The following MEX3B variants were observed in gnomAD, a reference collection of about 807,000 sequenced individuals.
The protein encoded by MEX3B is RNA-binding protein MEX3B.
In MEX3B, 10 loss-of-function variants were observed where a neutral mutation model predicts 12.2. That is an observed-to-expected ratio of 0.82 (90% CI 0.51 to 1.40). MEX3B has a LOEUF of 1.40. MEX3B is among the 40% of genes most tolerant of loss of function. The probability of loss-of-function intolerance (pLI) is 0.00; values close to 1 mark genes in which losing one functional copy is unlikely to be tolerated. For missense variants in MEX3B, 839 were observed against 801.4 expected, an observed-to-expected ratio of 1.05 and a Z score of -0.57; for synonymous variants, 498 against 356.3, an observed-to-expected ratio of 1.40 and a Z score of -4.48.
Position 82,043,826 on chromosome 15 carries a change from G to A in MEX3B, c.1044C>T (p.Ala348=), listed in dbSNP as rs759459482. The A allele has an allele frequency of 2.5e-6, 4 of 1,591,644 alleles. No homozygotes were observed. The Admixed American group carries it at 5.3e-5, about 21-fold the overall frequency. ...NGYTYTAGGE[A]SVPSPDGCPE... ...GGCAGCCGTCGGGGGATGGCACTGA[G>A]GCTTCTCCCCCCGCTGTGTAGGTGT... The change falls in exon 2 of 2, where the codon GCC becomes GCT. Residue 348 remains alanine, a synonymous_variant. Transcript: ENST00000329713.
In MEX3B at chr15:82,044,001, C is replaced by G; in HGVS notation, c.869G>C (p.Ser290Thr). 6.2e-7 allele frequency: 1 copy of G among 1,608,462 alleles called. No homozygotes were observed. Among genetic ancestry groups the G allele is most frequent in the East Asian group, 2.2e-5 (1 of 44,790 alleles). ...PFSSYRNDSSSSLGSASTDSY... is the reference protein window; with the variant it reads ...PFSSYRNDSSTSLGSASTDSY... ...GTCTGTGGAAGCACTGCCAAGCGAGCTGGAGCTGTCGTTGCGGTAGCTAGA... is the reference window on the plus strand; with the variant it reads ...GTCTGTGGAAGCACTGCCAAGCGAGGTGGAGCTGTCGTTGCGGTAGCTAGA... Residue 290 changes from serine (S) to threonine (T), a missense_variant, in exon 2 of 2, where the codon AGC becomes ACC. Ser to Thr is a moderately conservative substitution (Grantham distance 58). This residue lies in a region of MEX3B where 573 missense variants were observed against 488.9 expected (regional missense o/e 1.17). Transcript: ENST00000329713. This position sits in a 1 kb window ranked among gnomAD's most constrained non-coding sequence, Gnocchi z 5.3.
chr15:82,044,116 G>A lies in MEX3B; in HGVS notation c.754C>T (p.Leu252=), dbSNP rs765620150. 2.2e-5 allele frequency: 36 copies of A among 1,613,240 alleles called. No individual in the cohort carries two copies. The highest frequency in any genetic ancestry group is 2.8e-5 in the Non-Finnish European group (33 of 1,180,026). Residue 252 remains leucine, a synonymous_variant, in exon 2 of 2, where the codon CTG becomes TTG. Transcript: ENST00000329713. This position sits in a 1 kb window ranked among gnomAD's most constrained non-coding sequence, Gnocchi z 5.3. ...HANGTDVGFD[L]HHGSGGSGPG... is the part of the protein sequence containing the mutation. The stretch of plus-strand genomic sequence containing the variant: ...CCGGACCCGCCGGACCCATGATGCA[G>A]ATCGAAGCCCACATCGGTGCCGTTG...
Position 82,045,535 on chromosome 15 carries a change from G to C in MEX3B, c.171C>G (p.Ser57Arg), listed in dbSNP as rs1183694382. 6.2e-7 allele frequency: 1 copy of C among 1,612,220 alleles called. No homozygotes were observed. Among genetic ancestry groups the C allele is most frequent in the East Asian group, 2.2e-5 (1 of 44,850 alleles). Residue 57 changes from serine to arginine, a missense_variant, in exon 1 of 2, where the codon AGC becomes AGG. By Grantham distance (110) the Ser-to-Arg change is moderately radical. Transcript: ENST00000329713. ...DSDEGASLYDSEPRKKSVNMT... is the reference protein window; with the variant it reads ...DSDEGASLYDREPRKKSVNMT... ...TGTTCACGCTCTTCTTGCGCGGCTCGCTGTCGTACAGAGAGGCGCCCTCGT... is the reference window on the plus strand; with the variant it reads ...TGTTCACGCTCTTCTTGCGCGGCTCCCTGTCGTACAGAGAGGCGCCCTCGT...
At position 82,044,683 on chromosome 15, in the gene MEX3B, C is replaced by T; in HGVS notation, c.257-70G>A. The T allele has an allele frequency of 1.4e-6, 2 of 1,470,654 alleles. No homozygotes were observed. Among genetic ancestry groups the T allele is most frequent in the Non-Finnish European group, 9.5e-7 (1 of 1,057,018 alleles). 91.1% of individuals were successfully genotyped at this position (1,470,654 alleles called of 1,614,324 possible). On this transcript the variant is annotated intron_variant, in intron 1 of 1. Coordinates refer to ENST00000329713, the MANE Select transcript of MEX3B (RefSeq NM_032246.6). The surrounding 1 kb of genome is among the most constrained non-coding windows in gnomAD (Gnocchi z 5.3). Reference sequence around the variant, plus strand: ...CACGCCCATTATCCTGGGGTAACCGCGGGGACCGGGGACAGCCCGCGTCCA... The same window carrying T: ...CACGCCCATTATCCTGGGGTAACCGTGGGGACCGGGGACAGCCCGCGTCCA...
chr15:82,044,661 G>A lies in MEX3B; in HGVS notation c.257-48C>T. 1 of 1,589,382 alleles carries A rather than the reference G, an allele frequency of 6.3e-7. No homozygotes were observed. Among genetic ancestry groups the A allele is most frequent in the Non-Finnish European group, 8.6e-7 (1 of 1,159,132 alleles). On this transcript the variant is annotated intron_variant, in intron 1 of 1. Coordinates refer to ENST00000329713, the MANE Select transcript of MEX3B (RefSeq NM_032246.6). The surrounding 1 kb of genome is among the most constrained non-coding windows in gnomAD (Gnocchi z 5.3). The stretch of plus-strand genomic sequence containing the variant: ...GGGAGTGGGAGAGAGAGACAGACAC[G>A]CCCATTATCCTGGGGTAACCGCGGG...
rs2073227275 is a variant in MEX3B, at chr15:82,042,691, AC to A, written c.*468del. The A allele has an allele frequency of 6.5e-6, 1 of 152,926 alleles. No homozygotes were observed. Among genetic ancestry groups the A allele is most frequent in the Non-Finnish European group, 1.5e-5 (1 of 68,260 alleles). The allele number at this position is 152,926 out of a possible 1,614,324, so 9.5% of individuals were successfully genotyped here. On this transcript the variant is annotated 3_prime_UTR_variant, in exon 2 of 2. Transcript: ENST00000329713. ...GTGTTCTATAATAAGTATCATAGGA[AC>A]CCACCCACAAAGGGGAACACACTAA...
rs992151515 is a variant in MEX3B, at chr15:82,042,214, A to C, written c.*946T>G. On this transcript the variant is annotated 3_prime_UTR_variant, in exon 2 of 2. Transcript: ENST00000329713. ...TTTTTGTAATAATATAGAATAAAAT[A>C]TGCTTTATATCACTGAATAGAAAAT... 6.6e-6 allele frequency: 1 copy of C among 152,582 alleles called. No individual in the cohort carries two copies. The highest frequency in any genetic ancestry group is 6.5e-5 in the Admixed American group (1 of 15,282). 9.5% of individuals were successfully genotyped at this position (152,582 alleles called of 1,614,324 possible).
At chr15:82,045,050 C>T (rs2073248099) in intron 1 of MEX3B, 3 of 595,068 alleles carry the variant, frequency 5.0e-6, no homozygotes, top group Non-Finnish European at 3.0e-6. Context: ...CATTGTTCCT[C>T]CTCTGGGCTC....
In MEX3B at chr15:82,044,314, T is replaced by G; in HGVS notation, c.556A>C (p.Ile186Leu). Residue 186 changes from isoleucine to leucine, a missense_variant, in exon 2 of 2, where the codon ATC becomes CTC. Ile to Leu is a conservative substitution (Grantham distance 5, BLOSUM62 2). Transcript: ENST00000329713. The surrounding 1 kb of genome is among the most constrained non-coding windows in gnomAD (Gnocchi z 5.3). Reference sequence around the variant, plus strand: ...ATGTACGTGTGCGTCTGCTGCTGGATGCGCTTGATTGTGGCGCCTTTGGGC... The same window carrying G: ...ATGTACGTGTGCGTCTGCTGCTGGAGGCGCTTGATTGTGGCGCCTTTGGGC... Reference protein sequence around the residue: ...VGPKGATIKRIQQQTHTYIVT... With the variant: ...VGPKGATIKRLQQQTHTYIVT... The G allele has an allele frequency of 1.2e-6, 2 of 1,613,178 alleles. No homozygotes were observed. The highest frequency in any genetic ancestry group is 1.7e-6 in the Non-Finnish European group (2 of 1,179,996).
In MEX3B at chr15:82,045,973, G is replaced by A; in HGVS notation, c.-268C>T. The A allele has an allele frequency of 2.7e-6, 1 of 368,910 alleles. No individual in the cohort carries two copies. The allele number at this position is 368,910 out of a possible 1,614,324, so 22.9% of individuals were successfully genotyped here. ...CAGAGCTCTAGCGGTGGCCGCGCGT[G>A]CCCCCCGAGTGCCCGGCTGGCTGGC... On this transcript the variant is annotated 5_prime_UTR_variant, in exon 1 of 2. Coordinates refer to ENST00000329713, the MANE Select transcript of MEX3B (RefSeq NM_032246.6).
At position 82,045,806 on chromosome 15, in the gene MEX3B, GC is replaced by G. The variant is rs2073255099; in HGVS notation, c.-102del. The G allele has an allele frequency of 1.6e-6, 2 of 1,247,836 alleles. No individual in the cohort carries two copies. Among genetic ancestry groups the G allele is most frequent in the South Asian group, 4.9e-5 (2 of 40,980 alleles). 77.3% of individuals were successfully genotyped at this position (1,247,836 alleles called of 1,614,324 possible). On this transcript the variant is annotated 5_prime_UTR_variant, in exon 1 of 2. Transcript: ENST00000329713. Reference sequence around the variant, plus strand: ...GAAGCGGGTGGTCAGGGGCGGGGAGGCCGGTCGCCTGCTGAGGGCTCCGTTG... The same window carrying G: ...GAAGCGGGTGGTCAGGGGCGGGGAGGCGGTCGCCTGCTGAGGGCTCCGTTG...
In MEX3B at chr15:82,044,016, C is replaced by A. The variant is rs768280563; in HGVS notation, c.854G>T (p.Arg285Leu). The change falls in exon 2 of 2, where the codon CGC becomes CTC. Residue 285 changes from arginine (R) to leucine (L), a missense_variant. Around this residue, in one of 3 missense-constraint regions of MEX3B, gnomAD observed 573 missense variants for 488.9 expected, o/e 1.17. Coordinates refer to ENST00000329713, the MANE Select transcript of MEX3B (RefSeq NM_032246.6). The surrounding 1 kb of genome is among the most constrained non-coding windows in gnomAD (Gnocchi z 5.3). ...GCCAAGCGAGCTGGAGCTGTCGTTG[C>A]GGTAGCTAGAGAAAGGCTTGCGGCC... The part of the protein sequence containing the change: ...TPGRKPFSSY[R>L]NDSSSSLGSA... The A allele has an allele frequency of 5.0e-6, 8 of 1,601,500 alleles. No individual in the cohort carries two copies. Among genetic ancestry groups the A allele is most frequent in the Admixed American group, 1.7e-5 (1 of 59,150 alleles).
chr15:82,044,490 A>C lies in MEX3B; in HGVS notation c.380T>G (p.Ile127Ser). 6.2e-7 allele frequency: 1 copy of C among 1,613,792 alleles called. No homozygotes were observed. The highest frequency in any genetic ancestry group is 8.5e-7 in the Non-Finnish European group (1 of 1,179,976). ...KEDVAMARREIISAAEHFSMI... is the reference protein window; with the variant it reads ...KEDVAMARRESISAAEHFSMI... ...GGAGAAGTGCTCGGCAGCAGAGATG[A>C]TCTCCCTCCGAGCCATGGCCACATC... The change falls in exon 2 of 2, where the codon ATC becomes AGC. Residue 127 changes from isoleucine to serine, a missense_variant. Ile to Ser is a moderately radical substitution (Grantham distance 142, BLOSUM62 -2). Coordinates refer to ENST00000329713, the MANE Select transcript of MEX3B (RefSeq NM_032246.6). The surrounding 1 kb of genome is among the most constrained non-coding windows in gnomAD (Gnocchi z 5.3).
In MEX3B at chr15:82,043,420, C is replaced by T. The variant is rs151042956; in HGVS notation, c.1450G>A (p.Gly484Ser). ...CCCGACGTGTCCGACGGCTGCAAGC[C>T]AGGCAGCTGTGCCCCCAGCCCGTTG... ...YANGLGAQLP[G>S]LQPSDTSGSS... The change falls in exon 2 of 2, where the codon GGC becomes AGC. Residue 484 changes from glycine to serine, a missense_variant. Around this residue, in one of 3 missense-constraint regions of MEX3B, gnomAD observed 573 missense variants for 488.9 expected, o/e 1.17. Coordinates refer to ENST00000329713, the MANE Select transcript of MEX3B (RefSeq NM_032246.6). The T allele has an allele frequency of 2.9e-4, 455 of 1,572,576 alleles. No individual in the cohort carries two copies. The Middle Eastern group carries it at 4.9e-3, about 17-fold the overall frequency.
intron 1 of MEX3B, 34 bp downstream of exon 1, chr15:82,045,415 AC>A: frequency 4.6e-6 from 7 of 1,530,464 alleles, no homozygotes; most frequent in Non-Finnish European, 5.3e-6. Context: ...ACCCTACACC[AC>A]CCCCACCCAC....
intron 1 of MEX3B, chr15:82,045,133 G>A: frequency 3.3e-6 from 2 of 605,752 alleles, no homozygotes; most frequent in Non-Finnish European, 5.9e-6. Flanking sequence ...CCTCCCAAAG[G>A]ACTGATCAAA....
Position 82,045,608 on chromosome 15 carries a change from G to T in MEX3B, c.98C>A (p.Ala33Asp). Residue 33 changes from alanine to aspartate, a missense_variant, in exon 1 of 2, where the codon GCC becomes GAC. Physicochemically the swap from Ala to Asp is moderately radical, Grantham distance 126. Around this residue, in one of 3 missense-constraint regions of MEX3B, gnomAD observed 214 missense variants for 223.8 expected, o/e 0.96. Coordinates refer to ENST00000329713, the MANE Select transcript of MEX3B (RefSeq NM_032246.6). The part of the protein sequence containing the change: ...GGGETLDDQR[A>D]LQLALDQLSL... ...GAGCTGGTCGAGCGCGAGCTGCAGG[G>T]CTCTTTGGTCATCCAGGGTCTCTCC... 6.2e-7 allele frequency: 1 copy of T among 1,606,522 alleles called. No individual in the cohort carries two copies. The highest frequency in any genetic ancestry group is 1.3e-5 in the African/African-American group (1 of 74,992).
chr15:82,043,259 G>A lies in MEX3B; in HGVS notation c.1611C>T (p.Leu537=), dbSNP rs1478215478. The change falls in exon 2 of 2, where the codon CTC becomes CTT. Residue 537 remains leucine (L), a synonymous_variant. Coordinates refer to ENST00000329713, the MANE Select transcript of MEX3B (RefSeq NM_032246.6). ...TGCGATTGGCGCACTCCATGCAGAAGAGGTTGTGGCCACAGGGCACCAGCG... is the reference window on the plus strand; with the variant it reads ...TGCGATTGGCGCACTCCATGCAGAAAAGGTTGTGGCCACAGGGCACCAGCG... ...IAALVPCGHN[L]FCMECANRIC... The A allele has an allele frequency of 3.7e-6, 6 of 1,610,744 alleles. No homozygotes were observed. In the African/African-American group the frequency reaches 4.0e-5, roughly 11 times the overall value.
rs545375509 is a variant in MEX3B at position 82,044,703 on chromosome 15, C to A, written c.257-90G>T. On this transcript the variant is annotated intron_variant, in intron 1 of 1. Transcript: ENST00000329713. The surrounding 1 kb of genome is among the most constrained non-coding windows in gnomAD (Gnocchi z 5.3). ...AACCGCGGGGACCGGGGACAGCCCG[C>A]GTCCAGGACAGCGAGACGGCAGGAC... The A allele has an allele frequency of 4.4e-5, 57 of 1,291,958 alleles. No homozygotes were observed. Among genetic ancestry groups the A allele is most frequent in the Non-Finnish European group, 6.3e-5 (57 of 901,904 alleles). 80.0% of individuals were successfully genotyped at this position (1,291,958 alleles called of 1,614,324 possible).
Sources: allele counts gnomAD v4.1 joint callset, GRCh38; gene constraint gnomAD v4.1.1; regional missense constraint gnomAD v4.1.1; non-coding constraint Gnocchi (gnomAD v3.1); transcripts MANE v1.5; gene names NCBI Gene and HGNC (gene_info 2026-07-23, HGNC 2026-07-21).